The following GALNT18 variants were observed in gnomAD, a reference collection of about 807,000 sequenced individuals.
GALNT18 encodes GalNAc-transferase 18.
A neutral mutation model predicts 69.5 loss-of-function variants in GALNT18; 44 were observed. That is an observed-to-expected ratio of 0.63 (90% CI 0.50 to 0.81). The LOEUF (loss-of-function observed/expected upper bound fraction) is 0.81. Among genes scored for constraint, GALNT18 ranks in the 40% least tolerant of loss-of-function variants. The pLI, the probability that GALNT18 is intolerant of heterozygous loss-of-function variation, is 0.00. For synonymous variants in GALNT18, 364 were observed against 318.2 expected (o/e 1.14, Z -1.53); for missense variants, 715 against 810.0 (o/e 0.88, Z 1.42).
At position 11,604,868 on chromosome 11, in the gene GALNT18, T is replaced by G. The variant is rs980538109; in HGVS notation, c.235+16491A>C. Among the ~76,000 whole-genome samples, 1 of 152,008 alleles carries G rather than the reference T, an allele frequency of 6.6e-6. No individual in the cohort carries two copies. The highest frequency in any genetic ancestry group is 1.5e-5 in the Non-Finnish European group (1 of 67,996). On this transcript the variant is annotated intron_variant, in intron 1 of 10. Transcript: ENST00000227756. This position sits in a 1 kb window ranked among gnomAD's most constrained non-coding sequence, Gnocchi z 5.6. ...CACCCCAAAGGCTACACAATCTGTT[T>G]GAAATGAAAAGGAAAATAAAATCAC...
At position 11,413,793 on chromosome 11, in the gene GALNT18, A is replaced by G. The variant is rs984817528; in HGVS notation, c.595+18828T>C. Among the ~76,000 whole-genome samples, 4 of 152,176 alleles carry G rather than the reference A, an allele frequency of 2.6e-5. No individual in the cohort carries two copies. Among genetic ancestry groups the G allele is most frequent in the Non-Finnish European group, 5.9e-5 (4 of 68,026 alleles). ...GACTGTGGAGCTAGCTGTGCAGCCA[A>G]GCCAGGCTCAGCCTGTCCTGACCTC... On this transcript the variant is annotated intron_variant, in intron 3 of 10. Transcript: ENST00000227756. This position sits in a 1 kb window ranked among gnomAD's most constrained non-coding sequence, Gnocchi z 4.7.
rs567255391 is a variant in GALNT18 at position 11,544,841 on chromosome 11, A to G, written c.235+76518T>C. Among the ~76,000 whole-genome samples, 15 of 152,294 alleles carry G rather than the reference A, an allele frequency of 9.8e-5. No homozygotes were observed. In the South Asian group the frequency reaches 3.1e-3, roughly 32 times the overall value. On this transcript the variant is annotated intron_variant, in intron 1 of 10. Coordinates refer to ENST00000227756, the MANE Select transcript of GALNT18 (RefSeq NM_198516.3). ...TGGTCTGGTGCTATGGAAGAAATCTATTACTTTGCTCAGATGAGGAAACTG... is the reference window on the plus strand; with the variant it reads ...TGGTCTGGTGCTATGGAAGAAATCTGTTACTTTGCTCAGATGAGGAAACTG...
intron 1 of GALNT18, among the ~76,000 whole-genome samples, chr11:11,482,633 G>A (rs1856558093): frequency 6.6e-6 from 1 of 152,208 alleles, no homozygotes; most frequent in Non-Finnish European, 1.5e-5. Context: ...GGAGGCCCCT[G>A]CCCTGTGCCG....
At chr11:11,449,134 C>A (rs867309827) in intron 1 of GALNT18, among the ~76,000 whole-genome samples, 198 bp from the exon 2 acceptor site, 1 of 152,250 alleles carries the variant, frequency 6.6e-6, no homozygotes, top group Non-Finnish European at 1.5e-5. Flanking sequence ...AACCCACAAC[C>A]ACCAGGCACA....
Position 11,621,300 on chromosome 11 carries a change from G to A in GALNT18, c.235+59C>T. On this transcript the variant is annotated intron_variant, in intron 1 of 10. Transcript: ENST00000227756. This position sits in a 1 kb window ranked among gnomAD's most constrained non-coding sequence, Gnocchi z 9.3. ...ATGCGCACCAGCCCCAGCGCACCCCGCGCCGCGCGGGGCACTCCCGGGCCT... is the reference window on the plus strand; with the variant it reads ...ATGCGCACCAGCCCCAGCGCACCCCACGCCGCGCGGGGCACTCCCGGGCCT... The A allele has an allele frequency of 6.9e-7, 1 of 1,453,184 alleles. No individual in the cohort carries two copies. Among genetic ancestry groups the A allele is most frequent in the Non-Finnish European group, 9.5e-7 (1 of 1,052,186 alleles). The allele number at this position is 1,453,184 out of a possible 1,614,324, so 90.0% of individuals were successfully genotyped here.
chr11:11,560,026 G>GGGATA, intron 1 of GALNT18, among the ~76,000 whole-genome samples: 1 of 150,336 alleles, frequency 6.7e-6, no homozygotes, highest in Admixed American at 6.6e-5. Flanking sequence ...ATGATGGAAT[G>GGGATA]GGATAGGATA....
chr11:11,406,359 T>C (rs1280069533), intron 3 of GALNT18, among the ~76,000 whole-genome samples: 1 of 152,206 alleles, frequency 6.6e-6, no homozygotes, highest in Non-Finnish European at 1.5e-5. Flanking sequence ...TATTGTACCT[T>C]TTCTGGTTTT....
intron 3 of GALNT18, among the ~76,000 whole-genome samples, chr11:11,397,883 CTGGCTGGGGCCAA>C (rs2133730270): frequency 6.6e-6 from 1 of 152,358 alleles, no homozygotes; most frequent in South Asian, 2.1e-4. Flanking sequence ...GAAGGGGCCG[CTGGCTGGGGCCAA>C]TGGCATACTG....
intron 2 of GALNT18, among the ~76,000 whole-genome samples, chr11:11,441,029 G>A (rs533952254): frequency 1.3e-5 from 2 of 152,140 alleles, no homozygotes; most frequent in Non-Finnish European, 2.9e-5. Context: ...TCATACTACC[G>A]AATTTCTCTT....
intron 7 of GALNT18, among the ~76,000 whole-genome samples, chr11:11,334,160 T>C (rs1004561398): frequency 1.3e-5 from 2 of 152,192 alleles, no homozygotes; most frequent in African/African-American, 4.8e-5. Flanking sequence ...TTGTCTAAAA[T>C]ATCTGAGAAA....
intron 1 of GALNT18, among the ~76,000 whole-genome samples, chr11:11,566,896 C>T (rs182529837): frequency 2.0e-5 from 3 of 152,278 alleles, no homozygotes; most frequent in East Asian, 1.9e-4. Context: ...ATTTTGATTA[C>T]GTGTTCCACC....
In GALNT18 at chr11:11,339,787, T is replaced by A. The variant is rs1450688675; in HGVS notation, c.1278+1032A>T. Reference sequence around the variant, plus strand: ...GTTCCCCTCTCCTACGGTGGTGGTGTGGCTGGGAGGTGGGCTAAAAGCTCC... The same window carrying A: ...GTTCCCCTCTCCTACGGTGGTGGTGAGGCTGGGAGGTGGGCTAAAAGCTCC... On this transcript the variant is annotated intron_variant, in intron 7 of 10. Transcript: ENST00000227756. The surrounding 1 kb of genome is among the most constrained non-coding windows in gnomAD (Gnocchi z 5.2). 6.6e-6 allele frequency among the ~76,000 whole-genome samples: 1 copy of A among 152,186 alleles called. No individual in the cohort carries two copies. The highest frequency in any genetic ancestry group is 1.9e-4 in the East Asian group (1 of 5,190).
chr11:11,560,195 GGTGA>G (rs1858470068), intron 1 of GALNT18, among the ~76,000 whole-genome samples: 1 of 149,638 alleles, frequency 6.7e-6, no homozygotes, highest in African/African-American at 2.5e-5. Context: ...TGATGGGATG[GGTGA>G]GATAGAATAG....
At chr11:11,308,095 T>G (rs1306821396) in intron 9 of GALNT18, among the ~76,000 whole-genome samples, 3 of 152,142 alleles carry the variant, frequency 2.0e-5, no homozygotes, top group Non-Finnish European at 4.4e-5. Flanking sequence ...CCACAGGGAA[T>G]TCCTTAGAGG....
At chr11:11,284,716 G>C (rs533825206) in intron 10 of GALNT18, among the ~76,000 whole-genome samples, 1 of 152,126 alleles carries the variant, frequency 6.6e-6, no homozygotes, top group African/African-American at 2.4e-5. Flanking sequence ...GTGGGTCTTT[G>C]GCTTTAAGCA....
chr11:11,450,599 C>A (rs1314674069), intron 1 of GALNT18, among the ~76,000 whole-genome samples: 1 of 152,174 alleles, frequency 6.6e-6, no homozygotes, highest in African/African-American at 2.4e-5. Context: ...TCAACAAACT[C>A]CCAGGTGCCG....
intron 6 of GALNT18, chr11:11,353,443 G>T (rs1413855574): frequency 6.6e-6 from 3 of 455,026 alleles, no homozygotes; most frequent in African/African-American, 5.9e-5. Flanking sequence ...ATTGCTGTGA[G>T]GCACCGTCTC....
chr11:11,279,308 C>T (rs1410190587), intron 10 of GALNT18, among the ~76,000 whole-genome samples: 1 of 152,044 alleles, frequency 6.6e-6, no homozygotes, highest in Non-Finnish European at 1.5e-5. Flanking sequence ...CCTAACACAT[C>T]CATAATAATT....
chr11:11,368,887 G>A (rs1474095181), intron 6 of GALNT18, among the ~76,000 whole-genome samples: 1 of 152,118 alleles, frequency 6.6e-6, no homozygotes, highest in African/African-American at 2.4e-5. Flanking sequence ...TCCCTTGTCT[G>A]TTTTGTGATG....
Sources: allele counts gnomAD v4.1 joint callset (sites outside exome capture counted in the v4.1 genomes callset), GRCh38; gene constraint gnomAD v4.1.1; non-coding constraint Gnocchi (gnomAD v3.1); transcripts MANE v1.5; gene names NCBI Gene and HGNC (gene_info 2026-07-23, HGNC 2026-07-21).